The following PRELID2 variants were observed in gnomAD, a reference collection of about 807,000 sequenced individuals.
The protein encoded by PRELID2 is PRELI domain-containing protein 2.
In PRELID2, 25 loss-of-function variants were observed where a neutral mutation model predicts 28.4. The ratio of observed to expected loss-of-function variants is 0.88; its 90% confidence interval spans 0.64 to 1.23. The LOEUF is 1.23. Among genes scored for constraint, PRELID2 ranks in the 50% most tolerant of loss-of-function variants. PRELID2 has a pLI of 0.00. For missense variants in PRELID2, 201 were observed against 214.4 expected (o/e 0.94, Z 0.39); for synonymous variants, 76 against 71.6 (o/e 1.06, Z -0.31).
At position 145,509,685 on chromosome 5, in the gene PRELID2, CT is replaced by C. The variant is rs1439943786; in HGVS notation, n.71-36371del. Among the ~76,000 whole-genome samples the C allele has an allele frequency of 1.3e-5, 2 of 152,174 alleles. 1 individual carries two copies. The highest frequency in any genetic ancestry group is 2.9e-5 in the Non-Finnish European group (2 of 68,018). ...CCCAAGCTCTTAGGATAGAAACAAA[CT>C]TTTGCTTTTCTTCATCCTCCTTCAT... is the stretch of plus-strand genomic sequence containing the variant. On this transcript the variant is annotated intron_variant and non_coding_transcript_variant, in intron 1 of 2. Transcript: ENST00000510259.
intron 5 of PRELID2, chr5:145,796,228 C>T (rs1752736231): frequency 2.7e-6 from 1 of 369,098 alleles, no homozygotes; most frequent in African/African-American, 2.1e-5. Context: ...TCTTCATTGG[C>T]ATATTTTTAA....
chr5:145,655,829 C>CATAG (rs1343821423), intron 1 of PRELID2, among the ~76,000 whole-genome samples: 2 of 152,230 alleles, frequency 1.3e-5, no homozygotes, highest in African/African-American at 2.4e-5. Context: ...CCATTCAGAA[C>CATAG]ATAGGCATGG....
At chr5:145,415,366 T>G in the PRELID2 span, among the ~76,000 whole-genome samples, 3 of 151,986 alleles carry the variant, frequency 2.0e-5, no homozygotes, top group Non-Finnish European at 4.4e-5. Flanking sequence ...TGTGCCATGC[T>G]GGTGTGCTGC....
intron 2 of PRELID2, among the ~76,000 whole-genome samples, chr5:145,821,225 G>T: frequency 6.9e-6 from 1 of 145,296 alleles, no homozygotes; most frequent in East Asian, 2.1e-4. Context: ...TCTTCTGTGT[G>T]TGTGTATGTG....
intron 1 of PRELID2, among the ~76,000 whole-genome samples, chr5:145,570,435 A>T (rs1359209555): frequency 6.6e-6 from 1 of 152,208 alleles, no homozygotes; most frequent in African/African-American, 2.4e-5. Flanking sequence ...AAAAATTTGC[A>T]GGAGTAGTTT....
At chr5:145,457,008 C>A in the PRELID2 span, among the ~76,000 whole-genome samples, 3 of 152,076 alleles carry the variant, frequency 2.0e-5, no homozygotes, top group African/African-American at 7.2e-5. Context: ...AATATAATCA[C>A]CTAAGAGTGC....
Position 145,759,753 on chromosome 5 carries a change from C to T in PRELID2, c.*783G>A, listed in dbSNP as rs1006556666. ...TTCTTTAATCATCATAACGCATTGG[C>T]GGAAAGACCTGTGCCTGATTATCCC... On this transcript the variant is annotated 3_prime_UTR_variant, in exon 7 of 7. Transcript: ENST00000683046. 1.3e-5 allele frequency: 2 copies of T among 152,182 alleles called. No individual in the cohort carries two copies. The highest frequency in any genetic ancestry group is 4.8e-5 in the African/African-American group (2 of 41,440). The allele number at this position is 152,182 out of a possible 1,614,324, so 9.4% of individuals were successfully genotyped here.
intron 1 of PRELID2, among the ~76,000 whole-genome samples, chr5:145,721,918 T>G (rs1756000951): frequency 6.6e-6 from 1 of 152,072 alleles, no homozygotes; most frequent in Non-Finnish European, 1.5e-5. Context: ...TTAGGAATAT[T>G]TATGCACCAA....
intron 5 of PRELID2, among the ~76,000 whole-genome samples, chr5:145,785,394 C>G (rs922227902): frequency 6.6e-6 from 1 of 152,144 alleles, no homozygotes; most frequent in African/African-American, 2.4e-5. Flanking sequence ...GCTTTTAGTT[C>G]AGAAGTTGAT....
intron 1 of PRELID2, among the ~76,000 whole-genome samples, chr5:145,643,000 C>A (rs1363707524): frequency 3.3e-5 from 5 of 152,196 alleles, no homozygotes; most frequent in Non-Finnish European, 2.9e-5. Flanking sequence ...GCTATGCAAG[C>A]TCTTTTTTGG....
At chr5:145,262,733 C>T in the PRELID2 span, among the ~76,000 whole-genome samples, 6 of 151,896 alleles carry the variant, frequency 4.0e-5, no homozygotes, top group East Asian at 9.7e-4. Context: ...AATAAAATCT[C>T]TTAAAGGATA....
At chr5:145,514,661 A>G (rs1002237987) in intron 1 of PRELID2, among the ~76,000 whole-genome samples, 3 of 152,198 alleles carry the variant, frequency 2.0e-5, no homozygotes, top group African/African-American at 4.8e-5. Flanking sequence ...ATAGACATCT[A>G]CAGAACTCTC....
intron 1 of PRELID2, among the ~76,000 whole-genome samples, chr5:145,563,912 TA>T (rs1460734690): frequency 1.3e-5 from 2 of 152,160 alleles, no homozygotes; most frequent in African/African-American, 4.8e-5. Context: ...CCCATGAAAG[TA>T]GATTTCAAGT....
chr5:145,713,655 AGTATATATAGTGT>A (rs1755765031), intron 1 of PRELID2, among the ~76,000 whole-genome samples: 1 of 97,158 alleles, frequency 1.0e-5, no homozygotes, highest in South Asian at 3.6e-4. Context: ...CTATATATAA[AGTATATATAGTGT>A]GTGTATATAT....
rs370554304 is a variant in PRELID2, at chr5:145,492,816, A to G, written n.71-19501T>C. On this transcript the variant is annotated intron_variant and non_coding_transcript_variant, in intron 1 of 2. Transcript: ENST00000510259. ...GTGGTGCAGGCCAGAGATTGAGTCC[A>G]CCACACAAGGCTGAAGCCTTAGGGT... Among the ~76,000 whole-genome samples the G allele has an allele frequency of 8.5e-5, 12 of 140,968 alleles. 2 individuals are homozygous for G. The highest frequency in any genetic ancestry group is 2.0e-4 in the East Asian group (1 of 4,998). 92.5% of individuals were successfully genotyped at this position (140,968 alleles called of 152,430 possible).
chr5:145,266,217 G>C, the PRELID2 span, among the ~76,000 whole-genome samples: 1 of 152,038 alleles, frequency 6.6e-6, no homozygotes, highest in African/African-American at 2.4e-5. Context: ...CTACTTAGCT[G>C]TGTAGGGGAA....
intron 1 of PRELID2, among the ~76,000 whole-genome samples, chr5:145,696,018 T>C (rs983533869): frequency 6.6e-6 from 1 of 152,172 alleles, no homozygotes; most frequent in Admixed American, 6.5e-5. Context: ...CTTATATGTA[T>C]GTGTGCATAT....
chr5:145,424,885 A>C, the PRELID2 span, among the ~76,000 whole-genome samples: 1 of 152,234 alleles, frequency 6.6e-6, no homozygotes, highest in Non-Finnish European at 1.5e-5. Context: ...TAAAAATGCC[A>C]AAAGCAATTG....
At chr5:145,289,977 C>T in the PRELID2 span, among the ~76,000 whole-genome samples, 1 of 152,096 alleles carries the variant, frequency 6.6e-6, no homozygotes, top group Non-Finnish European at 1.5e-5. Context: ...TATTTTAATG[C>T]AGCCAGCAGA....
Sources: allele counts gnomAD v4.1 joint callset (sites outside exome capture counted in the v4.1 genomes callset), GRCh38; gene constraint gnomAD v4.1.1; transcripts MANE v1.5; gene names NCBI Gene and HGNC (gene_info 2026-07-23, HGNC 2026-07-21).